ZDHHC7: variants seen among roughly 807,000 people sequenced by gnomAD.
The protein encoded by ZDHHC7 is palmitoyltransferase ZDHHC7.
In ZDHHC7, 12 loss-of-function variants were observed where a neutral mutation model predicts 34.1. The observed-to-expected ratio is 0.35, with a 90% CI of 0.23 to 0.57. ZDHHC7 has a LOEUF of 0.57. ZDHHC7 is among the 20% of genes least tolerant of loss of function. The pLI, the probability that ZDHHC7 is intolerant of heterozygous loss-of-function variation, is 0.84. For synonymous variants in ZDHHC7, 185 were observed against 155.4 expected (o/e 1.19, Z -1.42); for missense variants, 388 against 402.7 (o/e 0.96, Z 0.31).
intron 1 of ZDHHC7, chr16:85,005,052 C>G (rs937693514): frequency 6.6e-6 from 1 of 152,142 alleles, no homozygotes; most frequent in Non-Finnish European, 1.5e-5. Flanking sequence ...TGTACGAGAG[C>G]CACAACCTAA....
intron 1 of ZDHHC7, among the ~76,000 whole-genome samples, chr16:84,998,998 G>A (rs1182887989): frequency 1.3e-5 from 2 of 151,894 alleles, no homozygotes; most frequent in African/African-American, 2.4e-5. Flanking sequence ...CAGGTGATCC[G>A]CCCGCCTCAG....
the ZDHHC7 span, among the ~76,000 whole-genome samples, chr16:85,027,000 G>A: frequency 1.3e-5 from 2 of 152,168 alleles, no homozygotes; most frequent in African/African-American, 4.8e-5. Context: ...GGCGTCCAAA[G>A]GCAGCACTTC....
Position 84,990,573 on chromosome 16 carries a change from G to A in ZDHHC7, c.46C>T (p.Leu16Phe), listed in dbSNP as rs149499432. The A allele has an allele frequency of 1.2e-6, 2 of 1,614,012 alleles. No individual in the cohort carries two copies. The highest frequency in any genetic ancestry group is 2.7e-5 in the African/African-American group (2 of 74,928). Residue 16 changes from leucine (L) to phenylalanine (F), a missense_variant, in exon 3 of 8, where the codon CTC (leucine) becomes TTC (phenylalanine). Leu to Phe is a conservative substitution (Grantham distance 22). Transcript: ENST00000313732. ...HRLRDVEHHP[L>F]LAENDNYDSS... ...TCATAGTTGTCATTTTCAGCCAGGAGAGGATGATGCTCGACGTCCCGGAGC... is the reference window on the plus strand; with the variant it reads ...TCATAGTTGTCATTTTCAGCCAGGAAAGGATGATGCTCGACGTCCCGGAGC...
intron 4 of ZDHHC7, among the ~76,000 whole-genome samples, chr16:84,980,821 A>G (rs938708641): frequency 2.6e-5 from 4 of 152,202 alleles, no homozygotes; most frequent in African/African-American, 9.7e-5. Context: ...CCCCATATGC[A>G]GTCACTGCCT....
At chr16:85,003,038 A>G (rs1048810185) in intron 1 of ZDHHC7, among the ~76,000 whole-genome samples, 2 of 152,124 alleles carry the variant, frequency 1.3e-5, no homozygotes, top group Non-Finnish European at 2.9e-5. Context: ...CCAGCACCAT[A>G]AACTTACCCA....
At chr16:84,989,253 G>GGACAGCTGCCCAT (rs2072477074) in intron 3 of ZDHHC7, among the ~76,000 whole-genome samples, 1 of 152,160 alleles carries the variant, frequency 6.6e-6, no homozygotes, top group Non-Finnish European at 1.5e-5. Context: ...CCCATTCCCA[G>GGACAGCTGCCCAT]GACAGCTGCC....
In ZDHHC7 at chr16:84,975,996, T is replaced by C; in HGVS notation, c.*347A>G. The C allele has an allele frequency of 3.9e-6, 1 of 253,468 alleles. No individual in the cohort carries two copies. The highest frequency in any genetic ancestry group is 7.5e-6 in the Non-Finnish European group (1 of 132,496). 15.7% of individuals were successfully genotyped at this position (253,468 alleles called of 1,614,324 possible). ...GCTTGGAGAATCCCTGTTCACTGGA[T>C]TCACTGTTTTTCTTCATGATTGGAA... On this transcript the variant is annotated 3_prime_UTR_variant, in exon 8 of 8. Coordinates refer to ENST00000313732, the MANE Select transcript of ZDHHC7 (RefSeq NM_017740.3).
chr16:84,979,949 CTTTTTTTTTTTTT>C (rs561019555), intron 4 of ZDHHC7, among the ~76,000 whole-genome samples: 1 of 96,008 alleles, frequency 1.0e-5, no homozygotes. Context: ...ATAGCGTCAC[CTTTTTTTTTTTTT>C]TTTTTTTTTT....
intron 1 of ZDHHC7, among the ~76,000 whole-genome samples, chr16:85,000,858 CT>C (rs1235133424): frequency 1.3e-5 from 2 of 152,232 alleles, no homozygotes; most frequent in East Asian, 3.8e-4. Context: ...GTGCAAAGTG[CT>C]TTCCCCAAGT....
intron 3 of ZDHHC7, among the ~76,000 whole-genome samples, chr16:84,982,585 C>A (rs1001719902): frequency 6.6e-6 from 1 of 152,046 alleles, no homozygotes; most frequent in African/African-American, 2.4e-5. Flanking sequence ...ATCGGGCAGT[C>A]GGGGAACAAA....
rs1485583636 is a variant in ZDHHC7, at chr16:84,978,025, GGTTA to G, written c.538-24_538-21del. ...ATACATCTAGAATGAGGGGGAGATT[GGTTA>G]GTCACTTTTATTTTTTATTTTTTTT... On this transcript the variant is annotated intron_variant, in intron 5 of 7. Transcript: ENST00000313732. The G allele has an allele frequency of 1.3e-6, 2 of 1,572,260 alleles. No individual in the cohort carries two copies. Among genetic ancestry groups the G allele is most frequent in the Non-Finnish European group, 1.7e-6 (2 of 1,148,712 alleles).
At chr16:84,985,299 C>G (rs995421234) in intron 3 of ZDHHC7, among the ~76,000 whole-genome samples, 2 of 152,256 alleles carry the variant, frequency 1.3e-5, no homozygotes, top group African/African-American at 4.8e-5. Flanking sequence ...CCTCGCCCTT[C>G]CAGGGCAGTT....
chr16:85,004,372 GCTGACC>G (rs1473783005), intron 1 of ZDHHC7, among the ~76,000 whole-genome samples: 3 of 150,310 alleles, frequency 2.0e-5, no homozygotes, highest in Non-Finnish European at 4.4e-5. Flanking sequence ...TAGATCACCT[GCTGACC>G]AGTCCTCTCT....
intron 3 of ZDHHC7, among the ~76,000 whole-genome samples, chr16:84,988,217 G>A (rs1360744393): frequency 6.6e-6 from 1 of 152,090 alleles, no homozygotes; most frequent in East Asian, 1.9e-4. Context: ...GACAGCAGAT[G>A]AGTGGTTGCC....
At chr16:84,979,351 T>C in intron 4 of ZDHHC7, 66 bp from the exon 5 acceptor site, 1 of 1,556,746 alleles carries the variant, frequency 6.4e-7, no homozygotes, top group South Asian at 1.2e-5. Context: ...CACAACCAAA[T>C]AAAATCAAAG....
At chr16:85,003,790 G>C (rs912908277) in intron 1 of ZDHHC7, among the ~76,000 whole-genome samples, 2 of 152,082 alleles carry the variant, frequency 1.3e-5, no homozygotes, top group South Asian at 2.1e-4. Context: ...CAAAGTGGGG[G>C]AACACACACA....
intron 4 of ZDHHC7, among the ~76,000 whole-genome samples, chr16:84,979,846 A>G (rs540567505): frequency 8.7e-4 from 131 of 151,346 alleles, no homozygotes; most frequent in African/African-American, 3.0e-3. Flanking sequence ...AACTAATTTG[A>G]TTATCGATTA....
At chr16:85,003,013 A>G (rs1328942727) in intron 1 of ZDHHC7, among the ~76,000 whole-genome samples, 1 of 152,106 alleles carries the variant, frequency 6.6e-6, no homozygotes, top group Admixed American at 6.5e-5. Context: ...TGGTCCTTTT[A>G]TCCAAAAGCC....
At chr16:85,018,456 T>C in the ZDHHC7 span, among the ~76,000 whole-genome samples, 3 of 137,800 alleles carry the variant, frequency 2.2e-5, no homozygotes, top group Non-Finnish European at 4.6e-5. Context: ...GTATTCTTTT[T>C]TTTTTTTTAA....
Sources: gnomAD v4.1 joint callset for allele counts (sites outside exome capture counted in the v4.1 genomes callset) on GRCh38, gnomAD v4.1.1 for gene constraint, MANE v1.5 for transcripts, NCBI Gene and HGNC (gene_info 2026-07-23, HGNC 2026-07-21) for gene names.